The following SMAD5 variants were observed in gnomAD, a reference collection of about 807,000 sequenced individuals.
The protein encoded by SMAD5 is SMAD family member 5.
In SMAD5, 9 loss-of-function variants were observed where a neutral mutation model predicts 43.1. The observed-to-expected ratio is 0.21, with a 90% CI of 0.13 to 0.36. SMAD5 has a LOEUF of 0.36. Among genes scored for constraint, SMAD5 ranks in the 10% least tolerant of loss-of-function variants. The pLI is 1.00. For missense variants in SMAD5, 348 were observed against 574.0 expected (o/e 0.61, Z 4.02); for synonymous variants, 190 against 192.4 (o/e 0.99, Z 0.10).
chr5:136,176,226 G>C (rs1754409608), intron 7 of SMAD5, among the ~76,000 whole-genome samples: 1 of 151,712 alleles, frequency 6.6e-6, no homozygotes, highest in Non-Finnish European at 1.5e-5. Context: ...GGCCAAGGCA[G>C]GTGGATCACC....
chr5:136,157,779 C>A (rs1753688403), intron 3 of SMAD5, among the ~76,000 whole-genome samples: 1 of 152,180 alleles, frequency 6.6e-6, no homozygotes, highest in African/African-American at 2.4e-5. Flanking sequence ...CTCTCACCAT[C>A]ACCTCCTGCT....
At chr5:136,152,604 A>T (rs1753507858) in intron 2 of SMAD5, 1 of 152,160 alleles carries the variant, frequency 6.6e-6, no homozygotes, top group African/African-American at 2.4e-5. Flanking sequence ...TTTAGTAGGT[A>T]TTTATCGTCT....
chr5:136,167,162 C>T (rs758886180), intron 5 of SMAD5, among the ~76,000 whole-genome samples: 21 of 137,944 alleles, frequency 1.5e-4, no homozygotes, highest in South Asian at 2.2e-4. Flanking sequence ...TTTTTAGTTT[C>T]GCCTAGCATT....
chr5:136,177,506 T>C lies in SMAD5; in HGVS notation c.*26T>C. On this transcript the variant is annotated 3_prime_UTR_variant, in exon 8 of 8. Transcript: ENST00000545279. ...TGCAGAAGTATTCTTTTCAATTATA[T>C]TGTTAGTGGACTTGTTTTAATTTTA... The C allele has an allele frequency of 6.4e-7, 1 of 1,561,266 alleles. No individual in the cohort carries two copies. Among genetic ancestry groups the C allele is most frequent in the Non-Finnish European group, 8.7e-7 (1 of 1,146,138 alleles).
At position 136,179,472 on chromosome 5, in the gene SMAD5, A is replaced by G. The variant is rs1754543618; in HGVS notation, c.*1992A>G. On this transcript the variant is annotated 3_prime_UTR_variant, in exon 8 of 8. Transcript: ENST00000545279. ...TGTCCTTTCTGCTCTTGTGAAGAAAAAAAAAAGCATTTTCGAGGAAAGAAT... is the reference window on the plus strand; with the variant it reads ...TGTCCTTTCTGCTCTTGTGAAGAAAGAAAAAAGCATTTTCGAGGAAAGAAT... 6.6e-6 allele frequency: 1 copy of G among 152,494 alleles called. No individual in the cohort carries two copies. The highest frequency in any genetic ancestry group is 6.5e-5 in the Admixed American group (1 of 15,276). 9.4% of individuals were successfully genotyped at this position (152,494 alleles called of 1,614,324 possible). A position where few individuals can be genotyped will look rare whatever the true frequency, so the allele number is the denominator to read the frequency against.
intron 4 of SMAD5, among the ~76,000 whole-genome samples, chr5:136,162,215 C>T (rs924655045): frequency 1.3e-5 from 2 of 152,154 alleles, no homozygotes; most frequent in Non-Finnish European, 2.9e-5. Flanking sequence ...GCCAGTTCAT[C>T]TGATGTGCAC....
At chr5:136,145,641 A>G (rs1753234342) in intron 1 of SMAD5, among the ~76,000 whole-genome samples, 1 of 152,014 alleles carries the variant, frequency 6.6e-6, no homozygotes, top group Non-Finnish European at 1.5e-5. Flanking sequence ...CCTCAGCCTG[A>G]TAGCAACAAT....
chr5:136,149,521 C>T (rs1753378656), intron 2 of SMAD5, among the ~76,000 whole-genome samples: 1 of 150,158 alleles, frequency 6.7e-6, no homozygotes. Flanking sequence ...TGGTAGGTAC[C>T]GAGTGAGATT....
intron 1 of SMAD5, chr5:136,134,555 T>G (rs1469576837): frequency 6.6e-6 from 1 of 152,252 alleles, no homozygotes; most frequent in Non-Finnish European, 1.5e-5. Context: ...GTTCCAAATT[T>G]AAGGAGCTAT....
chr5:136,142,337 G>A (rs1338194666), intron 1 of SMAD5, among the ~76,000 whole-genome samples: 1 of 152,154 alleles, frequency 6.6e-6, no homozygotes, highest in East Asian at 1.9e-4. Context: ...AGGTGTGTGT[G>A]TGTTTTGTAA....
chr5:136,176,829 A>T (rs1754438079), intron 7 of SMAD5, among the ~76,000 whole-genome samples: 1 of 152,198 alleles, frequency 6.6e-6, no homozygotes, highest in Non-Finnish European at 1.5e-5. Flanking sequence ...ATTAAGAGAA[A>T]ATGGTATTTA....
At chr5:136,162,320 G>A (rs74546422) in intron 4 of SMAD5, among the ~76,000 whole-genome samples, 4,599 of 152,214 alleles carry the variant, frequency 0.03, 99 homozygotes, top group African/African-American at 0.058. Context: ...GCCCTGGCTG[G>A]GAATGGATTT....
intron 1 of SMAD5, among the ~76,000 whole-genome samples, chr5:136,145,366 C>G (rs948393922): frequency 5.9e-5 from 9 of 151,810 alleles, no homozygotes; most frequent in South Asian, 2.1e-4. Context: ...CTAGGGACAC[C>G]AAACAGGCAC....
intron 6 of SMAD5, among the ~76,000 whole-genome samples, chr5:136,173,759 A>G (rs1025508889): frequency 6.6e-6 from 1 of 151,874 alleles, no homozygotes; most frequent in Non-Finnish European, 1.5e-5. Flanking sequence ...CTTTAGTTAT[A>G]TAATTTGAAT....
chr5:136,171,857 T>C (rs1754232984), intron 5 of SMAD5, among the ~76,000 whole-genome samples: 1 of 152,206 alleles, frequency 6.6e-6, no homozygotes. Flanking sequence ...TAATGGACCA[T>C]ATTGAATCTC....
intron 3 of SMAD5, among the ~76,000 whole-genome samples, chr5:136,157,362 G>T (rs1561648798): frequency 6.6e-6 from 1 of 152,160 alleles, no homozygotes; most frequent in Non-Finnish European, 1.5e-5. Flanking sequence ...TGGCACCAGG[G>T]TCTAGTTTCA....
rs1363269598 is a variant in SMAD5 at position 136,174,383 on chromosome 5, T to C, written c.1005T>C (p.His335=). 4.3e-6 allele frequency: 7 copies of C among 1,613,598 alleles called. No homozygotes were observed. Among genetic ancestry groups the C allele is most frequent in the African/African-American group, 4.0e-5 (3 of 75,050 alleles). ...NTRRHIGKGV[H]LYYVGGEVYA... ...GATGTTTGTCTTTTTAAGGTGTTCA[T>C]CTGTACTATGTTGGTGGAGAGGTGT... Residue 335 remains histidine (H), a synonymous_variant, in exon 7 of 8, where the codon CAT becomes CAC. Coordinates refer to ENST00000545279, the MANE Select transcript of SMAD5 (RefSeq NM_005903.7).
intron 1 of SMAD5, among the ~76,000 whole-genome samples, chr5:136,137,277 C>CCCCA (rs1202723253): frequency 6.7e-6 from 1 of 149,756 alleles, no homozygotes; most frequent in Non-Finnish European, 1.5e-5. Flanking sequence ...GGGACCCCCC[C>CCCCA]CCGCATCTCT....
chr5:136,140,205 TAG>T (rs1435413037), intron 1 of SMAD5, among the ~76,000 whole-genome samples: 1 of 152,078 alleles, frequency 6.6e-6, no homozygotes, highest in Non-Finnish European at 1.5e-5. Flanking sequence ...GTATTTTTCG[TAG>T]AGACGGGGTT....
Sources: gnomAD v4.1 joint callset for allele counts (sites outside exome capture counted in the v4.1 genomes callset) on GRCh38, gnomAD v4.1.1 for gene constraint, MANE v1.5 for transcripts, NCBI Gene and HGNC (gene_info 2026-07-23, HGNC 2026-07-21) for gene names.